Variants in NTM observed in about 807,000 individuals in gnomAD.
NTM encodes the protein IgLON family member 2.
NTM carries 13 observed loss-of-function variants against 42.1 expected under a neutral mutation model. The observed-to-expected ratio is 0.31, with a 90% CI of 0.20 to 0.49. The LOEUF (loss-of-function observed/expected upper bound fraction) is 0.49, where lower values mean the gene tolerates loss of function less well. NTM is among the 20% of genes least tolerant of loss of function. The pLI, the probability that NTM is intolerant of heterozygous loss-of-function variation, is 0.99. For missense variants in NTM, 373 were observed against 452.8 expected (o/e 0.82, Z 1.60); for synonymous variants, 187 against 179.2 (o/e 1.04, Z -0.35).
At chr11:132,071,774 A>G (rs1195807832) in intron 2 of NTM, among the ~76,000 whole-genome samples, 1 of 152,128 alleles carries the variant, frequency 6.6e-6, no homozygotes, top group Admixed American at 6.5e-5. Context: ...ATTAGAGTTC[A>G]TAGCTTTTAT....
At chr11:131,793,305 T>C (rs2091178203) in intron 1 of NTM, among the ~76,000 whole-genome samples, 1 of 152,210 alleles carries the variant, frequency 6.6e-6, no homozygotes, top group Admixed American at 6.5e-5. Flanking sequence ...TCAGTGTCTG[T>C]TGAACTTTGT....
chr11:132,017,913 T>G (rs2073688131), intron 2 of NTM, among the ~76,000 whole-genome samples: 1 of 152,042 alleles, frequency 6.6e-6, no homozygotes, highest in East Asian at 1.9e-4. Context: ...TCATTTCATG[T>G]TCGGCTTGTT....
intron 1 of NTM, among the ~76,000 whole-genome samples, chr11:131,674,126 C>T (rs943778996): frequency 6.6e-6 from 1 of 152,234 alleles, no homozygotes; most frequent in East Asian, 1.9e-4. Flanking sequence ...AGGGTCCTAG[C>T]ACGGGGTGCG....
intron 1 of NTM, among the ~76,000 whole-genome samples, chr11:131,801,849 T>A (rs1210119355): frequency 2.6e-5 from 4 of 152,120 alleles, no homozygotes; most frequent in Admixed American, 2.6e-4. Flanking sequence ...GATCAGAATG[T>A]GAGCTGGGCC....
At chr11:131,800,570 T>A (rs1398530546) in intron 1 of NTM, among the ~76,000 whole-genome samples, 2 of 152,234 alleles carry the variant, frequency 1.3e-5, no homozygotes, top group Non-Finnish European at 2.9e-5. Context: ...TAATCATTGG[T>A]TCCCCTGAGC....
chr11:131,588,682 T>C (rs1212884813), intron 1 of NTM, among the ~76,000 whole-genome samples: 2 of 152,182 alleles, frequency 1.3e-5, no homozygotes, highest in Non-Finnish European at 2.9e-5. Flanking sequence ...CTGAACATCA[T>C]CAAATTTTTA....
chr11:131,674,849 G>A (rs2071084306), intron 1 of NTM, among the ~76,000 whole-genome samples: 1 of 152,174 alleles, frequency 6.6e-6, no homozygotes, highest in Admixed American at 6.5e-5. Flanking sequence ...GCATGGATTA[G>A]GGACCAAGAT....
intron 1 of NTM, among the ~76,000 whole-genome samples, chr11:131,480,390 T>C (rs1953441902): frequency 6.6e-6 from 1 of 152,134 alleles, no homozygotes; most frequent in Non-Finnish European, 1.5e-5. Flanking sequence ...AGCTGTCGCT[T>C]GATACTAGGC....
intron 2 of NTM, among the ~76,000 whole-genome samples, chr11:132,048,548 G>A (rs889543201): frequency 6.6e-6 from 1 of 152,180 alleles, no homozygotes; most frequent in African/African-American, 2.4e-5. Flanking sequence ...AAAGGGTTCT[G>A]CATTTCTTGT....
At chr11:131,658,771 A>T (rs2067554045) in intron 1 of NTM, among the ~76,000 whole-genome samples, 1 of 152,168 alleles carries the variant, frequency 6.6e-6, no homozygotes, top group Non-Finnish European at 1.5e-5. Context: ...GGAGTTAGAG[A>T]ACAGCCTGGA....
At chr11:132,224,034 AAAG>A (rs61414649) in intron 4 of NTM, among the ~76,000 whole-genome samples, 223 of 152,348 alleles carry the variant, frequency 1.5e-3, no homozygotes, top group African/African-American at 4.9e-3. Context: ...CATTGGCAGA[AAAG>A]AAGAGAGGGC....
At chr11:131,929,109 C>G (rs562729251) in intron 2 of NTM, among the ~76,000 whole-genome samples, 1 of 152,222 alleles carries the variant, frequency 6.6e-6, no homozygotes, top group African/African-American at 2.4e-5. Context: ...ATGCAATGTC[C>G]GGTAGTGCTG....
intron 4 of NTM, among the ~76,000 whole-genome samples, chr11:132,303,292 A>G (rs1179855357): frequency 3.9e-5 from 6 of 152,204 alleles, no homozygotes; most frequent in East Asian, 1.9e-4. Context: ...TGGTTGGACC[A>G]TGCTCTCTCT....
chr11:131,959,672 A>G (rs1441762594), intron 2 of NTM, among the ~76,000 whole-genome samples: 3 of 152,160 alleles, frequency 2.0e-5, no homozygotes, highest in Admixed American at 2.0e-4. Flanking sequence ...TATTCTCATG[A>G]GTAAACCACC....
intron 1 of NTM, among the ~76,000 whole-genome samples, chr11:131,742,846 G>A (rs189007489): frequency 6.6e-6 from 1 of 152,276 alleles, no homozygotes; most frequent in East Asian, 1.9e-4. Flanking sequence ...TTGTTTTTCA[G>A]AACAACAATG....
intron 1 of NTM, chr11:131,771,220 T>C (rs1214160065): frequency 6.6e-6 from 1 of 152,184 alleles, no homozygotes; most frequent in Non-Finnish European, 1.5e-5. Flanking sequence ...TTATCAATTA[T>C]GTTATTCTTG....
At chr11:131,905,770 T>C (rs535902299) in intron 1 of NTM, among the ~76,000 whole-genome samples, 3 of 152,158 alleles carry the variant, frequency 2.0e-5, no homozygotes, top group Non-Finnish European at 4.4e-5. Context: ...CTCCCATTCA[T>C]TGCTTTCCCT....
chr11:132,175,925 G>A (rs575492829), intron 3 of NTM, among the ~76,000 whole-genome samples: 20 of 151,926 alleles, frequency 1.3e-4, no homozygotes, highest in Middle Eastern at 3.4e-3. Flanking sequence ...CATTTTTTTT[G>A]TAATTCTCCA....
chr11:131,511,869 CAG>C (rs1160150694), intron 1 of NTM, among the ~76,000 whole-genome samples: 1 of 152,208 alleles, frequency 6.6e-6, no homozygotes, highest in East Asian at 1.9e-4. Flanking sequence ...ATCTCTGTGT[CAG>C]AGGGCGACCT....
Sources: gnomAD v4.1 joint callset for allele counts (sites outside exome capture counted in the v4.1 genomes callset) on GRCh38, gnomAD v4.1.1 for gene constraint, MANE v1.5 for transcripts, NCBI Gene and HGNC (gene_info 2026-07-23, HGNC 2026-07-21) for gene names.